The following IL1RAPL1 variants were observed in gnomAD, a reference collection of about 807,000 sequenced individuals.
The protein encoded by IL1RAPL1 is interleukin 1 receptor accessory protein like 1.
A neutral mutation model predicts 48.4 loss-of-function variants in IL1RAPL1; 3 were observed. The ratio of observed to expected loss-of-function variants is 0.06; its 90% confidence interval spans 0.03 to 0.16. The LOEUF (loss-of-function observed/expected upper bound fraction) is 0.16. Ranked by LOEUF, IL1RAPL1 falls within the 10% of genes least tolerant of loss-of-function variation. IL1RAPL1 has a pLI of 1.00. For missense variants in IL1RAPL1, 349 were observed against 530.6 expected (o/e 0.66, Z 3.36); for synonymous variants, 185 against 187.7 (o/e 0.99, Z 0.12).
intron 5 of IL1RAPL1, among the ~76,000 whole-genome samples, chrX:29,461,522 A>G (rs1247977877): frequency 8.9e-6 from 1 of 111,764 alleles, no homozygotes; most frequent in Non-Finnish European, 1.9e-5. Flanking sequence ...ACACCTAGAT[A>G]TCTTCCCAAG....
At chrX:28,955,615 C>T (rs1268176778) in intron 2 of IL1RAPL1, among the ~76,000 whole-genome samples, 1 of 107,265 alleles carries the variant, frequency 9.3e-6, no homozygotes, top group Non-Finnish European at 1.9e-5. Flanking sequence ...TTTCTGAGGG[C>T]TCTGTTCTGT....
intron 2 of IL1RAPL1, among the ~76,000 whole-genome samples, chrX:29,267,648 TA>T (rs750569196): frequency 0.01 from 1,107 of 108,598 alleles, 9 homozygotes; most frequent in African/African-American, 0.027. Flanking sequence ...AACACTGGAA[TA>T]AAAAAAAAAT....
chrX:29,400,846 T>C (rs1933984367), intron 5 of IL1RAPL1, among the ~76,000 whole-genome samples: 1 of 112,267 alleles, frequency 8.9e-6, no homozygotes, highest in Admixed American at 9.4e-5. Flanking sequence ...CAAAGGAATT[T>C]AAAAATATAA....
At chrX:29,891,418 T>A (rs938130648) in intron 6 of IL1RAPL1, among the ~76,000 whole-genome samples, 6 of 111,672 alleles carry the variant, frequency 5.4e-5, no homozygotes, top group Non-Finnish European at 9.4e-5. Flanking sequence ...CTATTAGTCT[T>A]CACTGACAGG....
At chrX:29,763,990 G>GAA (rs5901932) in intron 6 of IL1RAPL1, among the ~76,000 whole-genome samples, 1 of 109,244 alleles carries the variant, frequency 9.2e-6, no homozygotes. Context: ...TGAGAAAAAG[G>GAA]AAAAAAATTC....
chrX:29,481,951 G>A (rs962386888), intron 5 of IL1RAPL1, among the ~76,000 whole-genome samples: 1 of 111,413 alleles, frequency 9.0e-6, no homozygotes, highest in Non-Finnish European at 1.9e-5. Flanking sequence ...AATGAAGAGG[G>A]AGGAAAAGGA....
At chrX:28,662,305 TGAG>T (rs1482961883) in intron 1 of IL1RAPL1, among the ~76,000 whole-genome samples, 1 of 111,168 alleles carries the variant, frequency 9.0e-6, no homozygotes, top group African/African-American at 3.3e-5. Flanking sequence ...GAGGCTGACT[TGAG>T]GAGGTTTTTG....
chrX:29,935,966 G>A (rs1426852604), intron 8 of IL1RAPL1, among the ~76,000 whole-genome samples: 1 of 110,848 alleles, frequency 9.0e-6, no homozygotes, highest in African/African-American at 3.3e-5. Context: ...ATAATTTTGG[G>A]GGTTTATACC....
chrX:29,562,107 ATCTATCTAATCTATCTATCTATCTATCT>A (rs1922242633), intron 5 of IL1RAPL1, among the ~76,000 whole-genome samples: 37 of 79,709 alleles, frequency 4.6e-4, no homozygotes, highest in African/African-American at 1.5e-3. Flanking sequence ...CTATCTATCT[ATCTATCTAATCTATCTATCTATCTATCT>A]ATCTATCTAT....
chrX:29,619,121 T>C (rs1359737100), intron 5 of IL1RAPL1, among the ~76,000 whole-genome samples: 1 of 111,695 alleles, frequency 9.0e-6, no homozygotes, highest in Non-Finnish European at 1.9e-5. Flanking sequence ...TGTTGAGTGG[T>C]CTTCGTGGAA....
intron 6 of IL1RAPL1, among the ~76,000 whole-genome samples, chrX:29,803,195 A>G (rs1258756885): frequency 3.4e-5 from 1 of 29,732 alleles, no homozygotes; most frequent in Non-Finnish European, 6.6e-5. Context: ...ATATATGTAT[A>G]CATATACACA....
Position 29,466,977 on chromosome X carries a change from A to G in IL1RAPL1, c.703+67669A>G, listed in dbSNP as rs1192605880. Among the ~76,000 whole-genome samples, 3 of 110,923 alleles carry G rather than the reference A, an allele frequency of 2.7e-5. No individual in the cohort carries two copies. In the Admixed American group the frequency reaches 2.9e-4, roughly 11 times the overall value. ...ACAAAAATTCTGAAACCCTACCCCA[A>G]ACCTACTGACTTAGAAACTGCAGGA... On this transcript the variant is annotated intron_variant, in intron 5 of 10. Coordinates refer to ENST00000378993, the MANE Select transcript of IL1RAPL1 (RefSeq NM_014271.4).
intron 5 of IL1RAPL1, among the ~76,000 whole-genome samples, chrX:29,608,774 C>T (rs887165154): frequency 2.9e-5 from 3 of 104,763 alleles, no homozygotes; most frequent in South Asian, 4.6e-4. Context: ...TGCAGTGAGC[C>T]GAGATCTCAC....
intron 5 of IL1RAPL1, among the ~76,000 whole-genome samples, chrX:29,445,991 A>G (rs745729907): frequency 1.4e-4 from 16 of 112,327 alleles, no homozygotes; most frequent in African/African-American, 5.2e-4. Context: ...TAATAATTCT[A>G]GTACACGACA....
chrX:29,772,565 C>T (rs954962137), intron 6 of IL1RAPL1, among the ~76,000 whole-genome samples: 3 of 111,593 alleles, frequency 2.7e-5, no homozygotes, highest in Non-Finnish European at 5.6e-5. Context: ...GCAATAAAAG[C>T]CCTTAACTTC....
intron 1 of IL1RAPL1, among the ~76,000 whole-genome samples, chrX:28,669,418 A>G (rs1286650027): frequency 9.1e-6 from 1 of 109,622 alleles, no homozygotes; most frequent in African/African-American, 3.3e-5. Flanking sequence ...CAGGAGTTCA[A>G]GACCAGACTG....
intron 3 of IL1RAPL1, among the ~76,000 whole-genome samples, chrX:29,319,400 C>T (rs1932787141): frequency 3.0e-5 from 1 of 32,973 alleles, no homozygotes; most frequent in African/African-American, 9.8e-5. Flanking sequence ...GACAGGGTCT[C>T]ACTGTGTTGC....
At chrX:29,898,730 T>C (rs1403989913) in intron 6 of IL1RAPL1, among the ~76,000 whole-genome samples, 1 of 112,312 alleles carries the variant, frequency 8.9e-6, no homozygotes, top group African/African-American at 3.2e-5. Context: ...CAATGAAATA[T>C]ATAAAGTGGT....
intron 1 of IL1RAPL1, among the ~76,000 whole-genome samples, chrX:28,607,803 T>C (rs909876810): frequency 3.6e-5 from 4 of 110,763 alleles, no homozygotes; most frequent in African/African-American, 1.3e-4. Flanking sequence ...GCCATGTTTA[T>C]ATAGATAGTG....
Sources: gnomAD v4.1 joint callset for allele counts (sites outside exome capture counted in the v4.1 genomes callset) on GRCh38, gnomAD v4.1.1 for gene constraint, MANE v1.5 for transcripts, NCBI Gene and HGNC (gene_info 2026-07-23, HGNC 2026-07-21) for gene names.